The following PKIB variants were observed in gnomAD, a reference collection of about 807,000 sequenced individuals.
PKIB encodes PKI-beta.
In PKIB, 2 loss-of-function variants were observed where a neutral mutation model predicts 4.5. That is an observed-to-expected ratio of 0.44 (90% CI 0.18 to 1.39). PKIB has a LOEUF of 1.39. Among genes scored for constraint, PKIB ranks in the 40% most tolerant of loss-of-function variants. The pLI is 0.27. For missense variants in PKIB, 94 were observed against 92.6 expected, an observed-to-expected ratio of 1.02 and a Z score of -0.06; for synonymous variants, 38 against 36.0, an observed-to-expected ratio of 1.06 and a Z score of -0.20.
intron 2 of PKIB, among the ~76,000 whole-genome samples, chr6:122,488,610 T>TTTTTGTAGAAATGGGG (rs1775841294): frequency 6.6e-6 from 1 of 152,082 alleles, no homozygotes. Flanking sequence ...TTGTATTTTT[T>TTTTTGTAGAAATGGGG]TTTTGTAGAA....
chr6:122,508,121 A>G (rs772638357), intron 2 of PKIB, among the ~76,000 whole-genome samples: 1 of 152,222 alleles, frequency 6.6e-6, no homozygotes, highest in Non-Finnish European at 1.5e-5. Flanking sequence ...AAGATCTGCT[A>G]CAGTAGTCTG....
chr6:122,594,741 G>A (rs1416220005), intron 3 of PKIB, among the ~76,000 whole-genome samples: 1 of 152,122 alleles, frequency 6.6e-6, no homozygotes, highest in Non-Finnish European at 1.5e-5. Flanking sequence ...TGAAGGGTCT[G>A]GACCATTTGT....
chr6:122,581,602 A>G (rs555570514), intron 2 of PKIB, among the ~76,000 whole-genome samples: 2 of 152,282 alleles, frequency 1.3e-5, no homozygotes, highest in African/African-American at 2.4e-5. Flanking sequence ...AAGCATCAAG[A>G]TTAAAGGTTT....
rs533553939 is a variant in PKIB at position 122,553,481 on chromosome 6, CTTTTTTT to C, written c.-247-32424_-247-32418del. Among the ~76,000 whole-genome samples, 453 of 65,826 alleles carry C rather than the reference CTTTTTTT, an allele frequency of 6.9e-3. 20 individuals are homozygous for C. Among genetic ancestry groups the C allele is most frequent in the Middle Eastern group, 0.027 (2 of 74 alleles). 43.2% of individuals were successfully genotyped at this position (65,826 alleles called of 152,430 possible). On this transcript the variant is annotated intron_variant, in intron 2 of 6. Transcript: ENST00000392491. ...TCTCTCAAGATTGCTCAAATATCTT[CTTTTTTT>C]TTTTTTTTTTTTTTTCTGAAAAAGG...
intron 2 of PKIB, among the ~76,000 whole-genome samples, chr6:122,499,967 AAT>A (rs1279331643): frequency 1.3e-5 from 2 of 152,212 alleles, no homozygotes; most frequent in African/African-American, 2.4e-5. Flanking sequence ...ATAAAAATAA[AAT>A]ACCTAAGAAT....
At chr6:122,505,479 G>A (rs1166546890) in intron 2 of PKIB, among the ~76,000 whole-genome samples, 2 of 151,962 alleles carry the variant, frequency 1.3e-5, no homozygotes, top group Non-Finnish European at 1.5e-5. Context: ...GGTGTCTTTC[G>A]CATCTGTAGA....
intron 2 of PKIB, among the ~76,000 whole-genome samples, chr6:122,498,534 C>T (rs1364775395): frequency 6.6e-6 from 1 of 152,146 alleles, no homozygotes; most frequent in Non-Finnish European, 1.5e-5. Context: ...ATAAAACAGA[C>T]ACAACATACC....
In PKIB at chr6:122,596,843, T is replaced by C. The variant is rs1466467845; in HGVS notation, c.-161+10836T>C. Among the ~76,000 whole-genome samples the C allele has an allele frequency of 3.9e-5, 6 of 152,348 alleles. 1 individual carries two copies. Among genetic ancestry groups the C allele is most frequent in the Admixed American group, 2.6e-4 (4 of 15,300 alleles). On this transcript the variant is annotated intron_variant, in intron 3 of 6. Transcript: ENST00000392491. ...AGCAGATTGCACAGCAGCCTGGACC[T>C]GTTGCAGAGCCTTCTCCTGTTCTGG...
chr6:122,564,203 C>A (rs1027535122), intron 2 of PKIB, among the ~76,000 whole-genome samples: 1 of 152,118 alleles, frequency 6.6e-6, no homozygotes, highest in African/African-American at 2.4e-5. Flanking sequence ...TCTCCAGGGT[C>A]CTGCAGGAGC....
At chr6:122,491,007 T>A (rs985000491) in intron 2 of PKIB, among the ~76,000 whole-genome samples, 1 of 151,890 alleles carries the variant, frequency 6.6e-6, no homozygotes, top group Non-Finnish European at 1.5e-5. Context: ...GAAGAAAAAA[T>A]TTGAGGGGCA....
chr6:122,527,295 T>C (rs974159714), intron 2 of PKIB, among the ~76,000 whole-genome samples: 11 of 152,128 alleles, frequency 7.2e-5, no homozygotes, highest in African/African-American at 2.7e-4. Flanking sequence ...AGTAGCACTT[T>C]TCGTTTTTTA....
At chr6:122,645,467 C>T (rs1028282760) in intron 2 of PKIB, among the ~76,000 whole-genome samples, 6 of 152,096 alleles carry the variant, frequency 3.9e-5, no homozygotes, top group Non-Finnish European at 5.9e-5. Flanking sequence ...GATAGGGGGT[C>T]GGAGTCCACT....
chr6:122,542,099 A>G (rs1386265741), intron 2 of PKIB, among the ~76,000 whole-genome samples: 1 of 151,676 alleles, frequency 6.6e-6, no homozygotes, highest in African/African-American at 2.4e-5. Context: ...TTTTTTTCAA[A>G]GTTTTTAACT....
intron 2 of PKIB, among the ~76,000 whole-genome samples, chr6:122,646,300 G>A (rs1202278131): frequency 6.6e-6 from 1 of 152,092 alleles, no homozygotes; most frequent in Non-Finnish European, 1.5e-5. Context: ...GGGAATATCA[G>A]CCCCAGTTAC....
chr6:122,722,351 A>T (rs1779777975), intron 4 of PKIB, among the ~76,000 whole-genome samples: 1 of 152,178 alleles, frequency 6.6e-6, no homozygotes, highest in East Asian at 1.9e-4. Flanking sequence ...TTAGTTAATA[A>T]TCCTGAGCAA....
chr6:122,621,081 G>C (rs1366800939), intron 1 of PKIB, among the ~76,000 whole-genome samples: 1 of 152,102 alleles, frequency 6.6e-6, no homozygotes, highest in Non-Finnish European at 1.5e-5. Context: ...ATCACTGCGG[G>C]ATATTGGCTT....
chr6:122,658,553 G>A (rs1015538386), intron 2 of PKIB, among the ~76,000 whole-genome samples: 1 of 152,012 alleles, frequency 6.6e-6, no homozygotes, highest in African/African-American at 2.4e-5. Flanking sequence ...TCTAAAGCTT[G>A]AAATTGTTGT....
intron 1 of PKIB, among the ~76,000 whole-genome samples, chr6:122,616,315 T>C (rs1053145113): frequency 3.9e-5 from 6 of 152,148 alleles, no homozygotes; most frequent in African/African-American, 1.4e-4. Context: ...GAAGGGACTT[T>C]TGTTTTGACA....
intron 3 of PKIB, among the ~76,000 whole-genome samples, chr6:122,601,943 T>A (rs1774383182): frequency 6.6e-6 from 1 of 151,922 alleles, no homozygotes; most frequent in Non-Finnish European, 1.5e-5. Context: ...TAGTTTGGAA[T>A]CAATTAGGAA....
Sources: gnomAD v4.1 joint callset for allele counts (sites outside exome capture counted in the v4.1 genomes callset) on GRCh38, gnomAD v4.1.1 for gene constraint, MANE v1.5 for transcripts, NCBI Gene and HGNC (gene_info 2026-07-23, HGNC 2026-07-21) for gene names.